Variants in ZMYM6 observed in about 807,000 individuals in gnomAD.
ZMYM6 encodes the protein zinc finger MYM-type protein 6.
Under a neutral mutation model 134.0 loss-of-function variants are expected in ZMYM6, and 90 were observed. That is an observed-to-expected ratio of 0.67 (90% CI 0.57 to 0.80). The LOEUF is 0.80. Ranked by LOEUF, ZMYM6 falls within the 30% of genes least tolerant of loss-of-function variation. The pLI is 0.00. For missense variants in ZMYM6, 1,362 were observed against 1,533.9 expected (o/e 0.89, Z 1.87); for synonymous variants, 481 against 524.1 (o/e 0.92, Z 1.12).
chr1:35,023,372 G>A (rs1641347253), intron 2 of ZMYM6, among the ~76,000 whole-genome samples: 1 of 152,146 alleles, frequency 6.6e-6, no homozygotes, highest in Admixed American at 6.5e-5. Context: ...CTCCCAGAGT[G>A]CTGGGAGTAC....
chr1:35,015,743 A>AAAAAAAAAATATATATATATAT, intron 4 of ZMYM6, among the ~76,000 whole-genome samples: 3 of 106,470 alleles, frequency 2.8e-5, no homozygotes, highest in African/African-American at 1.3e-4. Flanking sequence ...AAAAAAAAAA[A>AAAAAAAAAATATATATATATAT]ATATATATAT....
Position 34,988,019 on chromosome 1 carries a change from C to T in ZMYM6, c.3063G>A (p.Lys1021=). The change falls in exon 16 of 16, where the codon AAG becomes AAA. Residue 1021 remains lysine, a synonymous_variant. Transcript: ENST00000357182. ...GAATTTTATGTAAACATGGAGACAA[C>T]TTTTCTGCCACTAAACGTTCACGGT... ...FIHRERLVAE[K]LSPCLHKILL... The T allele has an allele frequency of 6.4e-7, 1 of 1,551,326 alleles. No individual in the cohort carries two copies. Among genetic ancestry groups the T allele is most frequent in the African/African-American group, 1.4e-5 (1 of 73,134 alleles).
At position 35,012,548 on chromosome 1, in the gene ZMYM6, TC is replaced by T; in HGVS notation, c.828del (p.Lys277SerfsTer3). On this transcript the variant is annotated frameshift_variant, in exon 7 of 16. Transcript: ENST00000357182. LOFTEE classifies it high-confidence loss of function. The part of the protein sequence containing the change: ...NSAQIPPYAL[G>X]KSLRPSAEMI... ...ATTTCAGCTGAGGGCCTCAATGACT[TC>T]CCCAGGGCATATGGAGGAATTTGGG... 6.2e-7 allele frequency: 1 copy of T among 1,613,448 alleles called. No individual in the cohort carries two copies. Among genetic ancestry groups the T allele is most frequent in the Non-Finnish European group, 8.5e-7 (1 of 1,179,764 alleles).
chr1:35,018,491 TTATTA>T (rs1641246141), intron 4 of ZMYM6: 1 of 151,568 alleles, frequency 6.6e-6, no homozygotes, highest in Non-Finnish European at 1.5e-5. Flanking sequence ...ACACATATAT[TTATTA>T]TATTTATTTA....
rs116782141 is a variant in ZMYM6 at position 35,018,653 on chromosome 1, T to C, written c.428+700A>G. 1,101 of 152,324 alleles carry C rather than the reference T, an allele frequency of 7.2e-3. 7 individuals carry two copies. The highest frequency in any genetic ancestry group is 0.011 in the Non-Finnish European group (780 of 68,056). The allele number at this position is 152,324 out of a possible 1,614,324, so 9.4% of individuals were successfully genotyped here. A position where few individuals can be genotyped will look rare whatever the true frequency, so the allele number is the denominator to read the frequency against. The stretch of plus-strand genomic sequence containing the variant: ...GCAACTATTATTTACTGATGAGAAA[T>C]GGAGGCTTAGAAAGTTAAACATCTA... On this transcript the variant is annotated intron_variant, in intron 4 of 15. Transcript: ENST00000357182.
At chr1:35,022,450 GAC>G (rs1441402037) in intron 2 of ZMYM6, among the ~76,000 whole-genome samples, 1 of 152,006 alleles carries the variant, frequency 6.6e-6, no homozygotes, top group African/African-American at 2.4e-5. Flanking sequence ...TTTTAGTAGA[GAC>G]AGAGTTTCAC....
Position 35,011,133 on chromosome 1 carries a change from A to C in ZMYM6, c.1063-97T>G, listed in dbSNP as rs189414435. Reference sequence around the variant, plus strand: ...CATTTTAATAAATCAAGTCTCCCACAAACATTTTTTAAAATTTTCTATCTC... The same window carrying C: ...CATTTTAATAAATCAAGTCTCCCACCAACATTTTTTAAAATTTTCTATCTC... On this transcript the variant is annotated intron_variant, in intron 8 of 15. Coordinates refer to ENST00000357182, the MANE Select transcript of ZMYM6 (RefSeq NM_007167.4). The C allele has an allele frequency of 4.5e-6, 6 of 1,325,852 alleles. No homozygotes were observed. The African/African-American group carries it at 8.9e-5, about 20-fold the overall frequency. 82.1% of individuals were successfully genotyped at this position (1,325,852 alleles called of 1,614,324 possible). A position where few individuals can be genotyped will look rare whatever the true frequency, so the allele number is the denominator to read the frequency against.
rs1640677537 is a variant in ZMYM6, at chr1:34,991,734, C to T, written c.2146+500G>A. ...ATAGGGAGCCAAGATCACGCTATTG[C>T]ACTCCAGCCTGGGCAACAAGAGTGA... On this transcript the variant is annotated intron_variant, in intron 15 of 15. Transcript: ENST00000357182. 2.0e-5 allele frequency among the ~76,000 whole-genome samples: 3 copies of T among 152,036 alleles called. No homozygotes were observed. In the South Asian group the frequency reaches 6.2e-4, roughly 31 times the overall value.
Position 34,989,174 on chromosome 1 carries a change from A to G in ZMYM6, c.2147-239T>C. On this transcript the variant is annotated intron_variant, in intron 15 of 15. Coordinates refer to ENST00000357182, the MANE Select transcript of ZMYM6 (RefSeq NM_007167.4). The stretch of plus-strand genomic sequence containing the variant: ...TAAAACTGTAGGATGTGGTACATGT[A>G]CAAGTAATCCCAAGCACCCAATAGG... The G allele has an allele frequency of 5.5e-6, 7 of 1,271,160 alleles. No homozygotes were observed. In the South Asian group the frequency reaches 9.5e-5, roughly 17 times the overall value. 78.7% of individuals were successfully genotyped at this position (1,271,160 alleles called of 1,614,324 possible). A position where few individuals can be genotyped will look rare whatever the true frequency, so the allele number is the denominator to read the frequency against.
rs956303854 is a variant in ZMYM6 at position 34,995,023 on chromosome 1, GTA to G, written c.1993-2638_1993-2637del. Among the ~76,000 whole-genome samples, 418 of 103,606 alleles carry G rather than the reference GTA, an allele frequency of 4.0e-3. 2 individuals are homozygous for G. Among genetic ancestry groups the G allele is most frequent in the South Asian group, 0.01 (39 of 3,834 alleles). The allele number at this position is 103,606 out of a possible 152,430, so 68.0% of individuals were successfully genotyped here. ...TATGTATACATATATACTTACATAC[GTA>G]TATATATGTAATATATATACTTACA... is the stretch of plus-strand genomic sequence containing the variant. On this transcript the variant is annotated intron_variant, in intron 14 of 15. Coordinates refer to ENST00000357182, the MANE Select transcript of ZMYM6 (RefSeq NM_007167.4).
rs1415735739 is a variant in ZMYM6 at position 35,010,827 on chromosome 1, T to C, written c.1272A>G (p.Thr424=). The change falls in exon 9 of 16, where the codon ACA becomes ACG. Residue 424 remains threonine, a synonymous_variant. Transcript: ENST00000357182. Reference sequence around the variant, plus strand: ...AGTGCTGACACTTGAGTTTAACAACTGTATGGGTTAAAGCAACTTGCTGGG... The same window carrying C: ...AGTGCTGACACTTGAGTTTAACAACCGTATGGGTTAAAGCAACTTGCTGGG... ...EQSQQVALTH[T]VVKLKCQHCN... 2 of 1,608,928 alleles carry C rather than the reference T, an allele frequency of 1.2e-6. No individual in the cohort carries two copies. Among genetic ancestry groups the C allele is most frequent in the Non-Finnish European group, 1.7e-6 (2 of 1,178,464 alleles).
chr1:34,990,531 T>G (rs1569736941), intron 15 of ZMYM6, among the ~76,000 whole-genome samples: 1 of 152,220 alleles, frequency 6.6e-6, no homozygotes, highest in Non-Finnish European at 1.5e-5. Flanking sequence ...GAATCAACAC[T>G]TCCACTGATT....
At chr1:35,027,871 T>C (rs757856327) in intron 2 of ZMYM6, among the ~76,000 whole-genome samples, 2 of 152,234 alleles carry the variant, frequency 1.3e-5, no homozygotes, top group Non-Finnish European at 2.9e-5. Context: ...GAATTTACCA[T>C]CTGGAGGGAA....
chr1:35,031,036 G>T (rs992928627), intron 1 of ZMYM6, among the ~76,000 whole-genome samples: 1 of 152,124 alleles, frequency 6.6e-6, no homozygotes, highest in Non-Finnish European at 1.5e-5. Context: ...TGAGAAGAAC[G>T]GACTCAAGAA....
At chr1:35,027,014 AAAG>A (rs528247793) in intron 2 of ZMYM6, among the ~76,000 whole-genome samples, 1 of 152,216 alleles carries the variant, frequency 6.6e-6, no homozygotes, top group Non-Finnish European at 1.5e-5. Context: ...CAATTAAAAA[AAAG>A]AGAGAGAGAA....
chr1:35,015,743 A>AAAAAATATATATATATATATAT, intron 4 of ZMYM6, among the ~76,000 whole-genome samples: 5 of 106,464 alleles, frequency 4.7e-5, no homozygotes, highest in African/African-American at 2.0e-4. Context: ...AAAAAAAAAA[A>AAAAAATATATATATATATATAT]ATATATATAT....
intron 3 of ZMYM6, 73 bp from the exon 4 acceptor site, chr1:35,019,675 TC>T: frequency 6.8e-7 from 1 of 1,465,792 alleles, no homozygotes; most frequent in Non-Finnish European, 9.0e-7. Context: ...TCTCTCTCTC[TC>T]TCTTTTTTCT....
chr1:35,015,743 A>AAAAAAAATATATATATATAT, intron 4 of ZMYM6, among the ~76,000 whole-genome samples: 2 of 106,474 alleles, frequency 1.9e-5, no homozygotes, highest in African/African-American at 1.3e-4. Context: ...AAAAAAAAAA[A>AAAAAAAATATATATATATAT]ATATATATAT....
chr1:34,986,299 A>G lies in ZMYM6; in HGVS notation c.*805T>C, dbSNP rs1350607327. On this transcript the variant is annotated 3_prime_UTR_variant, in exon 16 of 16. Transcript: ENST00000357182. ...GCCTGCAAAGCTGAAAATATTTACTATCTGGCTCTTTATTTAAAAAGTTTG... is the reference window on the plus strand; with the variant it reads ...GCCTGCAAAGCTGAAAATATTTACTGTCTGGCTCTTTATTTAAAAAGTTTG... 1.3e-5 allele frequency: 2 copies of G among 152,188 alleles called. No individual in the cohort carries two copies. The highest frequency in any genetic ancestry group is 6.5e-5 in the Admixed American group (1 of 15,286). 9.4% of individuals were successfully genotyped at this position (152,188 alleles called of 1,614,324 possible). A position where few individuals can be genotyped will look rare whatever the true frequency, so the allele number is the denominator to read the frequency against.
Sources: allele counts gnomAD v4.1 joint callset (sites outside exome capture counted in the v4.1 genomes callset), GRCh38; gene constraint gnomAD v4.1.1; transcripts MANE v1.5; gene names NCBI Gene and HGNC (gene_info 2026-07-23, HGNC 2026-07-21).